TNFRSF21: variants seen among roughly 807,000 people sequenced by gnomAD.
TNFRSF21 encodes TNF receptor superfamily member 21, also known as tumor necrosis factor receptor superfamily member 21.
TNFRSF21 carries 19 observed loss-of-function variants against 45.6 expected under a neutral mutation model. The ratio of observed to expected loss-of-function variants is 0.42; its 90% confidence interval spans 0.29 to 0.61. TNFRSF21 has a LOEUF of 0.61. Among genes scored for constraint, TNFRSF21 ranks in the 20% least tolerant of loss-of-function variants. TNFRSF21 has a pLI of 0.23. For synonymous variants in TNFRSF21, 314 were observed against 335.5 expected, an observed-to-expected ratio of 0.94 and a Z score of 0.70; for missense variants, 737 against 851.5, an observed-to-expected ratio of 0.87 and a Z score of 1.67.
chr6:47,255,264 C>T (rs1244416081), intron 3 of TNFRSF21, among the ~76,000 whole-genome samples: 2 of 152,160 alleles, frequency 1.3e-5, no homozygotes, highest in African/African-American at 4.8e-5. Context: ...CACCTGGCAC[C>T]AACCGTTCGT....
At chr6:47,273,481 T>C (rs1762456107) in intron 3 of TNFRSF21, among the ~76,000 whole-genome samples, 1 of 152,138 alleles carries the variant, frequency 6.6e-6, no homozygotes, top group Non-Finnish European at 1.5e-5. Context: ...CTAAAAAATC[T>C]CAATAAACTA....
intron 3 of TNFRSF21, among the ~76,000 whole-genome samples, chr6:47,283,051 C>T (rs971999119): frequency 1.3e-5 from 2 of 152,230 alleles, no homozygotes; most frequent in South Asian, 4.1e-4. Flanking sequence ...AAAAGCCAAA[C>T]TGCTTTTTAG....
intron 3 of TNFRSF21, among the ~76,000 whole-genome samples, chr6:47,276,243 G>A (rs144440657): frequency 1.3e-5 from 2 of 152,194 alleles, no homozygotes; most frequent in African/African-American, 4.8e-5. Context: ...TACATAAGAT[G>A]GAGTCTCCTG....
At position 47,234,696 on chromosome 6, in the gene TNFRSF21, C is replaced by G; in HGVS notation, c.1712G>C (p.Ser571Thr). The G allele has an allele frequency of 6.2e-7, 1 of 1,610,770 alleles. No homozygotes were observed. The highest frequency in any genetic ancestry group is 1.1e-5 in the South Asian group (1 of 90,310). Residue 571 changes from serine (S) to threonine (T), a missense_variant, in exon 5 of 6, where the codon AGC becomes ACC. Transcript: ENST00000296861. Reference sequence around the variant, plus strand: ...TTTGGTAATAAAGGAACCGTTCCTGCTCAGCGCGGAGGAGCCGCTGGATGT... The same window carrying G: ...TTTGGTAATAAAGGAACCGTTCCTGGTCAGCGCGGAGGAGCCGCTGGATGT... ...DSTSSGSSALSRNGSFITKEK... is the reference protein window; with the variant it reads ...DSTSSGSSALTRNGSFITKEK...
chr6:47,273,349 G>T (rs542257430), intron 3 of TNFRSF21, among the ~76,000 whole-genome samples: 8 of 152,156 alleles, frequency 5.3e-5, no homozygotes, highest in Non-Finnish European at 1.0e-4. Flanking sequence ...GGGATGCAAG[G>T]CTGGTTCAAC....
chr6:47,253,652 G>T, intron 3 of TNFRSF21, 131 bp from the exon 4 acceptor site: 4 of 1,091,320 alleles, frequency 3.7e-6, no homozygotes, highest in Non-Finnish European at 5.2e-6. Flanking sequence ...GGAATGCATT[G>T]CCTCCCTTAA....
chr6:47,308,065 T>C (rs1314276225), intron 1 of TNFRSF21, among the ~76,000 whole-genome samples: 1 of 152,234 alleles, frequency 6.6e-6, no homozygotes, highest in Non-Finnish European at 1.5e-5. Context: ...TTGTTTCACT[T>C]GTTTCAAAGA....
intron 4 of TNFRSF21, among the ~76,000 whole-genome samples, chr6:47,241,287 C>T (rs1367193526): frequency 6.6e-6 from 1 of 152,080 alleles, no homozygotes; most frequent in Non-Finnish European, 1.5e-5. Flanking sequence ...CTATTCAATT[C>T]CTAAGTTCGG....
chr6:47,235,549 G>T (rs1346181503), intron 4 of TNFRSF21, among the ~76,000 whole-genome samples: 1 of 152,196 alleles, frequency 6.6e-6, no homozygotes. Flanking sequence ...ACCAATTTCT[G>T]TTGTTTAAGC....
At chr6:47,291,424 GA>G (rs71778442) in intron 1 of TNFRSF21, among the ~76,000 whole-genome samples, 7,296 of 152,258 alleles carry the variant, frequency 0.048, 589 homozygotes, top group African/African-American at 0.17. Flanking sequence ...GTTAGAGGGT[GA>G]AAAACCAACA....
chr6:47,234,635 A>C (rs1053103262), intron 5 of TNFRSF21, 35 bp downstream of exon 5: 2 of 1,537,598 alleles, frequency 1.3e-6, no homozygotes, highest in Non-Finnish European at 1.8e-6. Flanking sequence ...TGGGGGGTTT[A>C]AGTGCGTGTG....
intron 3 of TNFRSF21, among the ~76,000 whole-genome samples, chr6:47,257,594 G>C (rs964216407): frequency 6.6e-6 from 1 of 152,208 alleles, no homozygotes; most frequent in Non-Finnish European, 1.5e-5. Context: ...ACAGAGAAAA[G>C]CAGGAGGACG....
intron 5 of TNFRSF21, among the ~76,000 whole-genome samples, chr6:47,233,595 G>A (rs1411310462): frequency 6.6e-6 from 1 of 151,182 alleles, no homozygotes; most frequent in East Asian, 1.9e-4. Flanking sequence ...TTGGGATGAG[G>A]AACTATAACT....
chr6:47,291,915 C>T (rs894869683), intron 1 of TNFRSF21, among the ~76,000 whole-genome samples: 2 of 152,226 alleles, frequency 1.3e-5, no homozygotes, highest in African/African-American at 4.8e-5. Flanking sequence ...ATCCCTTTCT[C>T]TTTACAGAGA....
At position 47,309,745 on chromosome 6, in the gene TNFRSF21, G is replaced by C. The variant is rs971595382; in HGVS notation, c.-234C>G. On this transcript the variant is annotated 5_prime_UTR_variant, in exon 1 of 6. Coordinates refer to ENST00000296861, the MANE Select transcript of TNFRSF21 (RefSeq NM_014452.5). The stretch of plus-strand genomic sequence containing the variant: ...CGCCCAGGCGGGGAGAAGCCGCCGC[G>C]ACTGCAGCCCGCGTCTCCGGGTGCT... 2.2e-6 allele frequency: 1 copy of C among 457,896 alleles called. No homozygotes were observed. Among genetic ancestry groups the C allele is most frequent in the African/African-American group, 2.0e-5 (1 of 49,052 alleles). 28.4% of individuals were successfully genotyped at this position (457,896 alleles called of 1,614,324 possible). A position where few individuals can be genotyped will look rare whatever the true frequency, so the allele number is the denominator to read the frequency against.
intron 3 of TNFRSF21, among the ~76,000 whole-genome samples, chr6:47,268,512 A>G (rs944267693): frequency 6.6e-6 from 1 of 152,110 alleles, no homozygotes; most frequent in African/African-American, 2.4e-5. Flanking sequence ...AAAGAAGAAC[A>G]CCTTTGTCTC....
rs917752492 is a variant in TNFRSF21 at position 47,276,339 on chromosome 6, T to A, written c.1243+7599A>T. On this transcript the variant is annotated intron_variant, in intron 3 of 5. Transcript: ENST00000296861. ...CAAGGACAGCTGCCACCTTTTTTGC[T>A]CCCACTCATAGCTGATGGTTCTCCT... Among the ~76,000 whole-genome samples, 4 of 152,172 alleles carry A rather than the reference T, an allele frequency of 2.6e-5. No homozygotes were observed. In the East Asian group the frequency reaches 5.8e-4, roughly 22 times the overall value.
chr6:47,286,662 A>G, intron 1 of TNFRSF21, 67 bp from the exon 2 acceptor site: 1 of 1,482,502 alleles, frequency 6.7e-7, no homozygotes, highest in South Asian at 1.4e-5. Context: ...AGCAGAGCAG[A>G]AAAAGGGCCA....
intron 3 of TNFRSF21, among the ~76,000 whole-genome samples, chr6:47,265,397 G>GT (rs3830884): frequency 7.3e-5 from 11 of 149,962 alleles, no homozygotes; most frequent in Admixed American, 2.0e-4. Context: ...GTTTTGTTTT[G>GT]TTTTTTTTAA....
Sources: allele counts gnomAD v4.1 joint callset (sites outside exome capture counted in the v4.1 genomes callset), GRCh38; gene constraint gnomAD v4.1.1; transcripts MANE v1.5; gene names NCBI Gene and HGNC (gene_info 2026-07-23, HGNC 2026-07-21).